Variants in EVI5 observed in about 807,000 individuals in gnomAD.
EVI5 encodes ecotropic viral integration site 5.
In EVI5, 73 loss-of-function variants were observed where a neutral mutation model predicts 112.0. That is an observed-to-expected ratio of 0.65 (90% CI 0.54 to 0.79). EVI5 has a LOEUF of 0.79. Ranked by LOEUF, EVI5 falls within the 30% of genes least tolerant of loss-of-function variation. The pLI is 0.00. For synonymous variants in EVI5, 305 were observed against 319.9 expected (o/e 0.95, Z 0.50); for missense variants, 900 against 968.8 (o/e 0.93, Z 0.94).
At chr1:92,547,710 T>C (rs983313760) in intron 19 of EVI5, among the ~76,000 whole-genome samples, 1 of 152,236 alleles carries the variant, frequency 6.6e-6, no homozygotes, top group Non-Finnish European at 1.5e-5. Context: ...CAGGGAATAC[T>C]ATCAACACCT....
intron 1 of EVI5, among the ~76,000 whole-genome samples, chr1:92,751,317 A>G (rs899136227): frequency 7.9e-5 from 12 of 152,178 alleles, no homozygotes; most frequent in African/African-American, 2.9e-4. Context: ...ATAAATGTCT[A>G]ATTGTTTAGC....
In EVI5 at chr1:92,682,958, C is replaced by T. The variant is rs557008117; in HGVS notation, c.1098-5740G>A. On this transcript the variant is annotated intron_variant, in intron 9 of 19. Coordinates refer to ENST00000684568, the MANE Select transcript of EVI5 (RefSeq NM_001350197.2). ...TGTAAATATAGTTAAAAAGGACATA[C>T]AGTTGTAATTTATATGTACTTTAAA... Among the ~76,000 whole-genome samples the T allele has an allele frequency of 3.3e-5, 5 of 152,248 alleles. No individual in the cohort carries two copies. The South Asian group carries it at 6.2e-4, about 19-fold the overall frequency.
intron 15 of EVI5, among the ~76,000 whole-genome samples, chr1:92,625,427 T>C (rs940152857): frequency 2.0e-5 from 3 of 152,198 alleles, no homozygotes; most frequent in African/African-American, 4.8e-5. Flanking sequence ...ATTAAATTTA[T>C]AATGTTGTCA....
At chr1:92,682,001 G>A (rs1008184168) in intron 9 of EVI5, among the ~76,000 whole-genome samples, 2 of 152,018 alleles carry the variant, frequency 1.3e-5, no homozygotes. Flanking sequence ...TTGCAGAGAT[G>A]GGGTTTTACT....
intron 13 of EVI5, among the ~76,000 whole-genome samples, chr1:92,648,157 T>C (rs1661328147): frequency 8.2e-6 from 1 of 122,140 alleles, no homozygotes; most frequent in African/African-American, 3.1e-5. Context: ...CCATCCTGGC[T>C]AACACGGTGA....
intron 2 of EVI5, among the ~76,000 whole-genome samples, chr1:92,705,767 C>T (rs1021348890): frequency 6.6e-6 from 1 of 152,136 alleles, no homozygotes; most frequent in African/African-American, 2.4e-5. Context: ...TCCAGTAATT[C>T]TTCAGGAAAA....
intron 14 of EVI5, among the ~76,000 whole-genome samples, 191 bp downstream of exon 14, chr1:92,636,008 TGTG>T (rs1010209544): frequency 6.6e-6 from 1 of 152,224 alleles, no homozygotes; most frequent in African/African-American, 2.4e-5. Flanking sequence ...AATACGGGGC[TGTG>T]ATTAGTATGA....
At chr1:92,622,567 C>A (rs1654828067) in intron 16 of EVI5, among the ~76,000 whole-genome samples, 1 of 152,158 alleles carries the variant, frequency 6.6e-6, no homozygotes, top group African/African-American at 2.4e-5. Flanking sequence ...TAAACATGGA[C>A]AAATTTCTTA....
upstream of EVI5, among the ~76,000 whole-genome samples, chr1:92,788,406 G>A (rs35901796): frequency 0.21 from 31,800 of 151,684 alleles, 3,755 homozygotes; most frequent in Non-Finnish European, 0.26. Context: ...CCCGGGGGGC[G>A]GAGGTTGCAG....
At chr1:92,618,520 A>C (rs545529627) in intron 16 of EVI5, among the ~76,000 whole-genome samples, 11 of 152,200 alleles carry the variant, frequency 7.2e-5, no homozygotes, top group Admixed American at 2.0e-4. Flanking sequence ...TATGCATGGA[A>C]TACAGGAGAT....
intron 19 of EVI5, among the ~76,000 whole-genome samples, chr1:92,559,816 T>C (rs767214626): frequency 1.4e-5 from 2 of 142,748 alleles, no homozygotes; most frequent in African/African-American, 2.6e-5. Flanking sequence ...GGCATTCCCA[T>C]GCAACTTATA....
At chr1:92,705,129 C>G (rs373407635) in intron 2 of EVI5, among the ~76,000 whole-genome samples, 1 of 152,090 alleles carries the variant, frequency 6.6e-6, no homozygotes. Flanking sequence ...AATCCTAAAA[C>G]GTTTACAATG....
rs542119166 is a variant in EVI5 at position 92,712,102 on chromosome 1, G to A, written c.150-7358C>T. Among the ~76,000 whole-genome samples the A allele has an allele frequency of 2.6e-5, 4 of 152,196 alleles. 1 individual carries two copies. In the South Asian group the frequency reaches 6.2e-4, roughly 24 times the overall value. On this transcript the variant is annotated intron_variant, in intron 2 of 19. Coordinates refer to ENST00000684568, the MANE Select transcript of EVI5 (RefSeq NM_001350197.2). ...ATCACCTTTGGGATTAGCTTTCAAC[G>A]CATGAATTTTAGAGGGTAACAAAAA...
At chr1:92,635,682 C>G (rs1476420108) in intron 14 of EVI5, among the ~76,000 whole-genome samples, 1 of 152,162 alleles carries the variant, frequency 6.6e-6, no homozygotes, top group Non-Finnish European at 1.5e-5. Flanking sequence ...CCAACAATCC[C>G]AATGAGATGC....
chr1:92,623,562 AAG>A (rs1449292030), intron 16 of EVI5, among the ~76,000 whole-genome samples: 1 of 152,182 alleles, frequency 6.6e-6, no homozygotes, highest in African/African-American at 2.4e-5. Flanking sequence ...TATTGGAGAA[AAG>A]AGAGACCTGA....
chr1:92,751,258 G>A (rs905901260), intron 1 of EVI5, among the ~76,000 whole-genome samples: 2 of 152,212 alleles, frequency 1.3e-5, no homozygotes, highest in Admixed American at 1.3e-4. Context: ...GAGGTATACT[G>A]TGATTACTTT....
intron 13 of EVI5, among the ~76,000 whole-genome samples, chr1:92,644,033 G>A (rs1275578515): frequency 6.6e-6 from 1 of 152,040 alleles, no homozygotes; most frequent in Non-Finnish European, 1.5e-5. Flanking sequence ...ATTTGTGGAG[G>A]GTAAAACCAT....
At chr1:92,586,608 G>C (rs1246641396) in intron 18 of EVI5, among the ~76,000 whole-genome samples, 10 of 70,008 alleles carry the variant, frequency 1.4e-4, no homozygotes, top group African/African-American at 8.3e-4. Context: ...TTTTTTGGCT[G>C]TGTGTGTGTG....
intron 2 of EVI5, among the ~76,000 whole-genome samples, chr1:92,726,817 G>C (rs1214112780): frequency 1.3e-5 from 2 of 152,080 alleles, no homozygotes; most frequent in African/African-American, 2.4e-5. Flanking sequence ...GCTATTATAA[G>C]GTGCTTACAG....
Sources: gnomAD v4.1 joint callset for allele counts (sites outside exome capture counted in the v4.1 genomes callset) on GRCh38, gnomAD v4.1.1 for gene constraint, MANE v1.5 for transcripts, NCBI Gene and HGNC (gene_info 2026-07-23, HGNC 2026-07-21) for gene names.